The following PLXNA4 variants were observed in gnomAD, a reference collection of about 807,000 sequenced individuals.
The protein encoded by PLXNA4 is plexin-A4.
In PLXNA4, 44 loss-of-function variants were observed where a neutral mutation model predicts 191.8. That is an observed-to-expected ratio of 0.23 (90% confidence interval 0.18 to 0.29). The LOEUF is 0.29. Ranked by LOEUF, PLXNA4 falls within the 10% of genes least tolerant of loss-of-function variation. The pLI is 1.00. For missense variants in PLXNA4, 1,800 were observed against 2,488.8 expected, an observed-to-expected ratio of 0.72 and a Z score of 5.89; for synonymous variants, 1,082 against 1,009.5, an observed-to-expected ratio of 1.07 and a Z score of -1.36.
At chr7:132,321,745 G>A (rs1037981957) in intron 3 of PLXNA4, among the ~76,000 whole-genome samples, 3 of 152,196 alleles carry the variant, frequency 2.0e-5, no homozygotes, top group Non-Finnish European at 4.4e-5. Flanking sequence ...TGTGGTTGAG[G>A]GTGGGGAGGG....
chr7:132,142,378 ATAGT>A (rs1372458339), intron 29 of PLXNA4, among the ~76,000 whole-genome samples: 8 of 152,278 alleles, frequency 5.3e-5, no homozygotes, highest in Non-Finnish European at 1.2e-4. Flanking sequence ...ACTGATGGTA[ATAGT>A]TAGAATATTC....
At chr7:132,167,001 G>T (rs1300569362) in intron 22 of PLXNA4, among the ~76,000 whole-genome samples, 2 of 152,166 alleles carry the variant, frequency 1.3e-5, no homozygotes, top group African/African-American at 4.8e-5. Context: ...AGCCACTGAA[G>T]CTCAGCCTGA....
At chr7:132,482,532 G>C (rs1797379218) in intron 3 of PLXNA4, among the ~76,000 whole-genome samples, 1 of 152,142 alleles carries the variant, frequency 6.6e-6, no homozygotes, top group Non-Finnish European at 1.5e-5. Flanking sequence ...GGACCCAGCT[G>C]AGCCATGCCC....
At chr7:132,325,082 C>T (rs181212539) in intron 3 of PLXNA4, among the ~76,000 whole-genome samples, 32 of 152,268 alleles carry the variant, frequency 2.1e-4, no homozygotes, top group Admixed American at 1.2e-3. Context: ...CCTTCACCTC[C>T]GGGCTCCTCA....
chr7:132,447,534 C>A (rs1212477537), intron 3 of PLXNA4, among the ~76,000 whole-genome samples: 2 of 152,112 alleles, frequency 1.3e-5, no homozygotes, highest in African/African-American at 4.8e-5. Context: ...ACTGGGATAC[C>A]ATGTTACAAA....
intron 2 of PLXNA4, among the ~76,000 whole-genome samples, chr7:132,595,208 C>A (rs1464898986): frequency 6.6e-6 from 1 of 152,106 alleles, no homozygotes; most frequent in Non-Finnish European, 1.5e-5. Flanking sequence ...CAGCACCCAG[C>A]AGTGATGTCC....
At chr7:132,159,450 C>A (rs1187941445) in intron 25 of PLXNA4, 23 bp downstream of exon 25, 1 of 1,612,754 alleles carries the variant, frequency 6.2e-7, no homozygotes, top group Non-Finnish European at 8.5e-7. Context: ...CAAGGACAGC[C>A]CCTGGGTGGA....
intron 12 of PLXNA4, among the ~76,000 whole-genome samples, chr7:132,201,264 C>T (rs1797423893): frequency 3.9e-5 from 6 of 152,128 alleles, no homozygotes; most frequent in Admixed American, 3.9e-4. Flanking sequence ...ACCTCCTGAA[C>T]GGCAGGACGA....
At chr7:132,562,707 A>T (rs111066460) in intron 1 of PLXNA4, among the ~76,000 whole-genome samples, 88,549 of 88,912 alleles carry the variant, frequency 1, 44,094 homozygotes, top group East Asian at 1. Context: ...CTCCTCCTTC[A>T]CCTCCTCCTC....
chr7:132,557,463 C>T (rs913488174), intron 1 of PLXNA4, among the ~76,000 whole-genome samples: 2 of 151,288 alleles, frequency 1.3e-5, no homozygotes, highest in African/African-American at 2.4e-5. Flanking sequence ...CAGGGGGGGA[C>T]GTAAAGATAG....
chr7:132,310,472 A>C (rs1801685369), intron 3 of PLXNA4, among the ~76,000 whole-genome samples: 2 of 152,232 alleles, frequency 1.3e-5, no homozygotes, highest in Admixed American at 6.5e-5. Context: ...TCCCATTAAC[A>C]TTGGAAAAAG....
chr7:132,433,915 C>T (rs1233894739), intron 3 of PLXNA4, among the ~76,000 whole-genome samples: 2 of 152,170 alleles, frequency 1.3e-5, no homozygotes, highest in African/African-American at 2.4e-5. Flanking sequence ...ATGCTAACAC[C>T]AGGCTAAGGA....
At chr7:132,334,127 G>T (rs946513028) in intron 3 of PLXNA4, among the ~76,000 whole-genome samples, 1 of 152,054 alleles carries the variant, frequency 6.6e-6, no homozygotes, top group South Asian at 2.1e-4. Flanking sequence ...TGTAAAACAC[G>T]GAAGCTGTAG....
At chr7:132,619,399 G>T (rs1042411180) in intron 2 of PLXNA4, among the ~76,000 whole-genome samples, 19 of 152,170 alleles carry the variant, frequency 1.2e-4, no homozygotes, top group African/African-American at 4.6e-4. Context: ...CATAAAAAGT[G>T]ATTTCAGAAT....
chr7:132,628,224 G>T (rs903484686), intron 2 of PLXNA4, among the ~76,000 whole-genome samples: 1 of 152,140 alleles, frequency 6.6e-6, no homozygotes, highest in Admixed American at 6.5e-5. Flanking sequence ...AGGTTCAAAA[G>T]CATTTTCTGT....
Position 132,351,136 on chromosome 7 carries a change from G to A in PLXNA4, c.1372-52914C>T, listed in dbSNP as rs186981733. Among the ~76,000 whole-genome samples, 5 of 152,344 alleles carry A rather than the reference G, an allele frequency of 3.3e-5. 1 individual carries two copies. The highest frequency in any genetic ancestry group is 3.3e-4 in the Admixed American group (5 of 15,308). On this transcript the variant is annotated intron_variant, in intron 3 of 31. Coordinates refer to ENST00000321063, the MANE Select transcript of PLXNA4 (RefSeq NM_020911.2). ...GGCTACCTAGGGCTGGGGGCCATGT[G>A]GAGCTGGAGAGGGTGATGGCTAAGG...
chr7:132,159,426 T>C (rs1211424206), intron 25 of PLXNA4, 47 bp downstream of exon 25: 3 of 1,605,396 alleles, frequency 1.9e-6, no homozygotes, highest in East Asian at 2.2e-5. Context: ...GTGAGGTGTG[T>C]TCAGGAGCAG....
At chr7:132,587,617 C>T (rs1265118278) in intron 2 of PLXNA4, among the ~76,000 whole-genome samples, 1 of 152,110 alleles carries the variant, frequency 6.6e-6, no homozygotes, top group Non-Finnish European at 1.5e-5. Context: ...TTAGGTGGAA[C>T]CGGAATGCTT....
At chr7:132,413,406 C>G (rs1256751942) in intron 3 of PLXNA4, among the ~76,000 whole-genome samples, 1 of 152,214 alleles carries the variant, frequency 6.6e-6, no homozygotes, top group African/African-American at 2.4e-5. Flanking sequence ...CAGGACAACT[C>G]TGACCCTGGA....
Sources: allele counts gnomAD v4.1 joint callset (sites outside exome capture counted in the v4.1 genomes callset), GRCh38; gene constraint gnomAD v4.1.1; transcripts MANE v1.5; gene names NCBI Gene and HGNC (gene_info 2026-07-23, HGNC 2026-07-21).